ELP4: variants seen among roughly 807,000 people sequenced by gnomAD.
The protein encoded by ELP4 is elongator acetyltransferase complex subunit 4, also known as elongator complex protein 4.
In ELP4, 51 loss-of-function variants were observed where a neutral mutation model predicts 48.9. The observed-to-expected ratio is 1.04, with a 90% CI of 0.83 to 1.32. ELP4 has a LOEUF of 1.32. Ranked by LOEUF, ELP4 falls within the 40% of genes most tolerant of loss-of-function variation. The probability of loss-of-function intolerance (pLI) is 0.00; values close to 1 mark genes in which losing one functional copy is unlikely to be tolerated. For missense variants in ELP4, 519 were observed against 514.6 expected, an observed-to-expected ratio of 1.01 and a Z score of -0.08; for synonymous variants, 210 against 189.2, an observed-to-expected ratio of 1.11 and a Z score of -0.90.
chr11:31,664,367 G>C (rs1345905444), intron 9 of ELP4: 1 of 152,150 alleles, frequency 6.6e-6, no homozygotes, highest in East Asian at 1.9e-4. Context: ...GAATGACACA[G>C]AAAGAGCTGT....
At chr11:31,539,546 C>G (rs773584554) in intron 2 of ELP4, 116 bp from the exon 3 acceptor site, 110 of 1,031,918 alleles carry the variant, frequency 1.1e-4, no homozygotes, top group Non-Finnish European at 1.4e-4. Flanking sequence ...TGTTCCACCT[C>G]ATATACTTGT....
intron 7 of ELP4, among the ~76,000 whole-genome samples, chr11:31,641,413 A>C (rs1422286239): frequency 6.6e-6 from 1 of 151,914 alleles, no homozygotes; most frequent in Non-Finnish European, 1.5e-5. Context: ...TAAAGGCCTT[A>C]TATTATAAAA....
chr11:31,619,258 A>G lies in ELP4; in HGVS notation c.654-7852A>G, dbSNP rs182196826. Reference sequence around the variant, plus strand: ...ATATTTTATGGTATGAGGCCCGTGCACAGGTGGAGGTACTGGGTTGGTATA... The same window carrying G: ...ATATTTTATGGTATGAGGCCCGTGCGCAGGTGGAGGTACTGGGTTGGTATA... On this transcript the variant is annotated intron_variant, in intron 5 of 9. Transcript: ENST00000640961. Among the ~76,000 whole-genome samples, 189 of 152,126 alleles carry G rather than the reference A, an allele frequency of 1.2e-3. 1 individual carries two copies. Among genetic ancestry groups the G allele is most frequent in the African/African-American group, 4.3e-3 (178 of 41,542 alleles).
intron 3 of ELP4, among the ~76,000 whole-genome samples, chr11:31,546,600 C>A (rs1956724410): frequency 6.6e-6 from 1 of 152,064 alleles, no homozygotes; most frequent in Non-Finnish European, 1.5e-5. Flanking sequence ...AACAAAGATA[C>A]CCAGGAATTG....
chr11:31,593,227 CTGTTGTTGTTGTTGTTGTTGT>C (rs61458094), intron 3 of ELP4, among the ~76,000 whole-genome samples: 2 of 149,910 alleles, frequency 1.3e-5, no homozygotes, highest in South Asian at 2.1e-4. Context: ...GTGAATAATA[CTGTTGTTGTTGTTGTTGTTGT>C]TGTTGTTGTT....
At chr11:31,721,445 C>T (rs555566455) in intron 9 of ELP4, among the ~76,000 whole-genome samples, 2 of 151,622 alleles carry the variant, frequency 1.3e-5, no homozygotes, top group African/African-American at 2.4e-5. Context: ...TGTATCACAA[C>T]ACTAGTGGAT....
In ELP4 at chr11:31,785,799, A is replaced by C. The variant is rs1397823213; in HGVS notation, c.*2275A>C. The stretch of plus-strand genomic sequence containing the variant: ...AAACATATCTCTCTTCAATAATGCT[A>C]CCTTAGGTATAGACACCATTTTGAT... On this transcript the variant is annotated 3_prime_UTR_variant, in exon 10 of 10. Transcript: ENST00000640961. 5.1e-6 allele frequency: 1 copy of C among 194,722 alleles called. No individual in the cohort carries two copies. Among genetic ancestry groups the C allele is most frequent in the Non-Finnish European group, 1.1e-5 (1 of 93,612 alleles). The allele number at this position is 194,722 out of a possible 1,614,324, so 12.1% of individuals were successfully genotyped here. A position where few individuals can be genotyped will look rare whatever the true frequency, so the allele number is the denominator to read the frequency against.
rs34771837 is a variant in ELP4, at chr11:31,650,129, C to T, written c.1051C>T (p.Arg351Trp). 4.3e-4 allele frequency: 619 copies of T among 1,450,294 alleles called. 2 individuals carry two copies. In the African/African-American group the frequency reaches 7.6e-3, roughly 18 times the overall value. The allele number at this position is 1,450,294 out of a possible 1,614,324, so 89.8% of individuals were successfully genotyped here. A position where few individuals can be genotyped will look rare whatever the true frequency, so the allele number is the denominator to read the frequency against. Residue 351 changes from arginine to tryptophan, a missense_variant, in exon 9 of 10, where the codon CGG (arginine) becomes TGG (tryptophan). Physicochemically the swap from Arg to Trp is moderately radical, Grantham distance 101. Coordinates refer to ENST00000640961, the MANE Select transcript of ELP4 (RefSeq NM_019040.5). ...YKDYHGLIHI[R>W]QIPRLNNLIC... Reference sequence around the variant, plus strand: ...TTTTCCACAAGGATTGATTCATATACGGCAGATTCCTCGGCTTAATAACTT... The same window carrying T: ...TTTTCCACAAGGATTGATTCATATATGGCAGATTCCTCGGCTTAATAACTT...
At chr11:31,586,479 C>T (rs1957475918) in intron 3 of ELP4, among the ~76,000 whole-genome samples, 1 of 152,116 alleles carries the variant, frequency 6.6e-6, no homozygotes, top group African/African-American at 2.4e-5. Context: ...AAGTCATCTA[C>T]AAGGATGGAA....
intron 5 of ELP4, among the ~76,000 whole-genome samples, chr11:31,608,485 G>A (rs1197874327): frequency 6.6e-6 from 1 of 151,920 alleles, no homozygotes; most frequent in Non-Finnish European, 1.5e-5. Context: ...GGGAAATTTA[G>A]AGGGGTCTTT....
intron 3 of ELP4, among the ~76,000 whole-genome samples, chr11:31,586,687 G>T (rs1957479390): frequency 6.6e-6 from 1 of 151,884 alleles, no homozygotes. Context: ...TGTCACCCAG[G>T]CTGGAGTGCA....
rs1338414992 is a variant in ELP4, at chr11:31,509,912, G to T, written c.128G>T (p.Gly43Val). ...GPRASVTNDSGPRLVSIAGTR... is the reference protein window; with the variant it reads ...GPRASVTNDSVPRLVSIAGTR... ...AGAGCCAGCGTGACCAACGACAGCG[G>T]CCCTCGACTGGTGTCCATTGCGGGC... is the stretch of plus-strand genomic sequence containing the variant. The change falls in exon 1 of 10, where the codon GGC (glycine) becomes GTC (valine). Residue 43 changes from glycine (G) to valine (V), a missense_variant. Gly to Val is a moderately radical substitution (Grantham distance 109). Transcript: ENST00000640961. The T allele has an allele frequency of 1.9e-6, 3 of 1,614,034 alleles. No individual in the cohort carries two copies. The highest frequency in any genetic ancestry group is 2.5e-6 in the Non-Finnish European group (3 of 1,180,038).
At chr11:31,574,585 G>C (rs998649616) in intron 3 of ELP4, among the ~76,000 whole-genome samples, 5 of 152,126 alleles carry the variant, frequency 3.3e-5, no homozygotes. Flanking sequence ...TGAGACGAAG[G>C]TTCCAGAGGA....
At chr11:31,692,182 G>A (rs1488658038) in intron 9 of ELP4, among the ~76,000 whole-genome samples, 1 of 152,238 alleles carries the variant, frequency 6.6e-6, no homozygotes, top group East Asian at 1.9e-4. Context: ...AAGGAATCCA[G>A]GGCTGTCAAG....
chr11:31,521,215 T>C (rs1239238953), intron 2 of ELP4, among the ~76,000 whole-genome samples: 1 of 151,950 alleles, frequency 6.6e-6, no homozygotes, highest in African/African-American at 2.4e-5. Context: ...TAAAGAGTAA[T>C]AATATTAGTA....
At chr11:31,645,143 ACT>A (rs1945175442) in intron 7 of ELP4, among the ~76,000 whole-genome samples, 2 of 151,780 alleles carry the variant, frequency 1.3e-5, no homozygotes, top group South Asian at 4.1e-4. Context: ...TTTTCAATAG[ACT>A]CTTGTTTATA....
At chr11:31,752,414 A>C (rs1947741392) in intron 9 of ELP4, among the ~76,000 whole-genome samples, 1 of 152,186 alleles carries the variant, frequency 6.6e-6, no homozygotes, top group East Asian at 1.9e-4. Context: ...TCTTAATGAT[A>C]AATTTTTGGA....
chr11:31,576,374 C>A (rs1198715456), intron 3 of ELP4, among the ~76,000 whole-genome samples: 1 of 152,158 alleles, frequency 6.6e-6, no homozygotes, highest in Non-Finnish European at 1.5e-5. Flanking sequence ...CAACATTAGA[C>A]AGATCAACAA....
In ELP4 at chr11:31,632,195, C is replaced by CT. The variant is rs201489044; in HGVS notation, c.739-16dup. 4.4e-3 allele frequency: 6,940 copies of CT among 1,585,384 alleles called. 70 individuals carry two copies. The highest frequency in any genetic ancestry group is 4.3e-3 in the Middle Eastern group (25 of 5,880). On this transcript the variant is annotated intron_variant, in intron 6 of 9. Coordinates refer to ENST00000640961, the MANE Select transcript of ELP4 (RefSeq NM_019040.5). ...TGATTAACAAAACTTTATATGTTTG[C>CT]TTTTTTCCCACTTTCTTTTAGAAAA...
Sources: gnomAD v4.1 joint callset for allele counts (sites outside exome capture counted in the v4.1 genomes callset) on GRCh38, gnomAD v4.1.1 for gene constraint, MANE v1.5 for transcripts, NCBI Gene and HGNC (gene_info 2026-07-23, HGNC 2026-07-21) for gene names.